The following TCF4 variants were observed in gnomAD, a reference collection of about 807,000 sequenced individuals.
TCF4 encodes the protein transcription factor 4, also known as SL3-3 enhancer factor 2.
Under a neutral mutation model 82.1 loss-of-function variants are expected in TCF4, and 3 were observed. The observed-to-expected ratio is 0.04, with a 90% CI of 0.02 to 0.09. The LOEUF is 0.09. Among genes scored for constraint, TCF4 ranks in the 10% least tolerant of loss-of-function variants. The pLI is 1.00. For synonymous variants in TCF4, 276 were observed against 309.6 expected (o/e 0.89, Z 1.14); for missense variants, 518 against 852.7 (o/e 0.61, Z 4.89).
intron 8 of TCF4, among the ~76,000 whole-genome samples, chr18:55,302,795 A>G (rs560676495): frequency 1.3e-5 from 2 of 152,304 alleles, no homozygotes; most frequent in South Asian, 4.1e-4. Context: ...CCCGTTTAGC[A>G]GCTTCCTTCT....
intron 6 of TCF4, among the ~76,000 whole-genome samples, chr18:55,399,916 AC>A (rs1569371226): frequency 6.3e-4 from 94 of 150,282 alleles, no homozygotes; most frequent in Non-Finnish European, 7.7e-4. Context: ...ACACACACAC[AC>A]ACACACACAA....
At chr18:55,495,338 G>T (rs2096623426) in intron 3 of TCF4, among the ~76,000 whole-genome samples, 2 of 151,212 alleles carry the variant, frequency 1.3e-5, no homozygotes. Context: ...AGGTATTTGA[G>T]ATACAAAAGT....
rs554103048 is a variant in TCF4, at chr18:55,344,517, G to T, written c.549+5842C>A. On this transcript the variant is annotated intron_variant, in intron 8 of 19. Transcript: ENST00000354452. Reference sequence around the variant, plus strand: ...TTCACACCAAAATATACTCTTCAGTGAAAATGATAAAGTTCAAAATAGCAG... The same window carrying T: ...TTCACACCAAAATATACTCTTCAGTTAAAATGATAAAGTTCAAAATAGCAG... Among the ~76,000 whole-genome samples, 5 of 152,204 alleles carry T rather than the reference G, an allele frequency of 3.3e-5. No individual in the cohort carries two copies. The South Asian group carries it at 1.0e-3, about 32-fold the overall frequency.
chr18:55,538,192 G>A (rs1180070823), intron 3 of TCF4, among the ~76,000 whole-genome samples: 1 of 152,138 alleles, frequency 6.6e-6, no homozygotes, highest in African/African-American at 2.4e-5. Context: ...TTGCTTGACA[G>A]ATGTCTATAA....
At chr18:55,248,986 C>T (rs757527973) in intron 15 of TCF4, among the ~76,000 whole-genome samples, 54 of 152,258 alleles carry the variant, frequency 3.5e-4, no homozygotes, top group Middle Eastern at 6.8e-3. Context: ...CTCGAGTGAT[C>T]CACCCGCCTC....
At chr18:55,563,759 C>T (rs1031994301) in intron 3 of TCF4, among the ~76,000 whole-genome samples, 3 of 152,218 alleles carry the variant, frequency 2.0e-5, no homozygotes, top group African/African-American at 7.2e-5. Flanking sequence ...CAGTGAATGT[C>T]AGTTCTCCAA....
intron 15 of TCF4, among the ~76,000 whole-genome samples, chr18:55,248,785 C>G (rs966206925): frequency 6.6e-6 from 1 of 152,166 alleles, no homozygotes; most frequent in Admixed American, 6.5e-5. Flanking sequence ...CTCTCTGTCA[C>G]CCAGGCTGGA....
intron 2 of TCF4, among the ~76,000 whole-genome samples, chr18:55,608,369 ATTTTTT>A (rs746413576): frequency 4.3e-5 from 5 of 117,272 alleles, no homozygotes; most frequent in Middle Eastern, 4.0e-3. Context: ...TTGCCACAGT[ATTTTTT>A]TTTTTTTTTT....
intron 8 of TCF4, among the ~76,000 whole-genome samples, chr18:55,325,652 T>A (rs899558878): frequency 2.0e-5 from 3 of 152,234 alleles, no homozygotes; most frequent in African/African-American, 4.8e-5. Context: ...AACAACTCCA[T>A]GTTTCTGTTT....
intron 3 of TCF4, among the ~76,000 whole-genome samples, chr18:55,500,189 A>C (rs1193525370): frequency 6.6e-6 from 1 of 152,190 alleles, no homozygotes; most frequent in African/African-American, 2.4e-5. Flanking sequence ...CTCCAAAAAA[A>C]AAAATCTTCA....
At chr18:55,567,631 T>C (rs1338928804) in intron 3 of TCF4, among the ~76,000 whole-genome samples, 1 of 151,808 alleles carries the variant, frequency 6.6e-6, no homozygotes, top group Non-Finnish European at 1.5e-5. Flanking sequence ...GAGAATTGCA[T>C]GAACCCAGGA....
At chr18:55,598,063 C>A (rs1214723256) in intron 2 of TCF4, among the ~76,000 whole-genome samples, 3 of 152,140 alleles carry the variant, frequency 2.0e-5, no homozygotes, top group Non-Finnish European at 4.4e-5. Context: ...AATAAATCAC[C>A]CAAACCCCTG....
At chr18:55,598,518 C>G (rs1389029450) in intron 2 of TCF4, among the ~76,000 whole-genome samples, 1 of 152,086 alleles carries the variant, frequency 6.6e-6, no homozygotes, top group African/African-American at 2.4e-5. Flanking sequence ...CACATGGTGG[C>G]AGTGATAAGA....
At chr18:55,345,434 CGTGTAAATT>C (rs1272969856) in intron 8 of TCF4, among the ~76,000 whole-genome samples, 2 of 152,034 alleles carry the variant, frequency 1.3e-5, no homozygotes, top group African/African-American at 2.4e-5. Context: ...TTATATATGC[CGTGTAAATT>C]GTGTGAATAG....
chr18:55,327,770 A>C (rs1428424612), intron 8 of TCF4, among the ~76,000 whole-genome samples: 1 of 152,186 alleles, frequency 6.6e-6, no homozygotes, highest in East Asian at 1.9e-4. Context: ...AGAAGAAAGA[A>C]GAGACTTCTC....
At chr18:55,421,883 C>T (rs2094772541) in intron 5 of TCF4, among the ~76,000 whole-genome samples, 1 of 152,088 alleles carries the variant, frequency 6.6e-6, no homozygotes, top group African/African-American at 2.4e-5. Flanking sequence ...TTGAAAGCAA[C>T]ACACAGAGGC....
At chr18:55,322,013 C>T in intron 8 of TCF4, 1 of 1,209,280 alleles carries the variant, frequency 8.3e-7, no homozygotes, top group Non-Finnish European at 1.0e-6. Flanking sequence ...TTCAACTTTT[C>T]CGAGGGGTTT....
chr18:55,398,922 A>C (rs1275360038), intron 6 of TCF4, among the ~76,000 whole-genome samples: 4 of 152,220 alleles, frequency 2.6e-5, no homozygotes, highest in Non-Finnish European at 5.9e-5. Context: ...AAGGCCCTGC[A>C]AGGGAGAGCT....
At chr18:55,306,889 G>A (rs2070544329) in intron 8 of TCF4, among the ~76,000 whole-genome samples, 1 of 152,158 alleles carries the variant, frequency 6.6e-6, no homozygotes, top group African/African-American at 2.4e-5. Flanking sequence ...TCAAAGGCTT[G>A]GAACTCTCCT....
Sources: allele counts gnomAD v4.1 joint callset (sites outside exome capture counted in the v4.1 genomes callset), GRCh38; gene constraint gnomAD v4.1.1; transcripts MANE v1.5; gene names NCBI Gene and HGNC (gene_info 2026-07-23, HGNC 2026-07-21).